Variants in RNF150 observed in about 807,000 individuals in gnomAD.
The protein encoded by RNF150 is ring finger protein 150.
RNF150 carries 24 observed loss-of-function variants against 39.3 expected under a neutral mutation model. The ratio of observed to expected loss-of-function variants is 0.61; its 90% CI spans 0.44 to 0.86. The LOEUF (loss-of-function observed/expected upper bound fraction) is 0.86, where lower values mean the gene tolerates loss of function less well. Ranked by LOEUF, RNF150 falls within the 40% of genes least tolerant of loss-of-function variation. RNF150 has a pLI of 0.00. For missense variants in RNF150, 502 were observed against 587.8 expected (o/e 0.85, Z 1.51); for synonymous variants, 255 against 227.3 (o/e 1.12, Z -1.10).
intron 1 of RNF150, among the ~76,000 whole-genome samples, chr4:140,979,251 C>T (rs1346448935): frequency 6.6e-6 from 1 of 152,104 alleles, no homozygotes; most frequent in African/African-American, 2.4e-5. Context: ...ATGTAAGTCT[C>T]ATTAAGGAGC....
intron 2 of RNF150, among the ~76,000 whole-genome samples, chr4:140,962,094 C>CGCG (rs1560988655): frequency 1.3e-5 from 2 of 150,934 alleles, no homozygotes; most frequent in African/African-American, 4.9e-5. Context: ...CTCTCTCTCT[C>CGCG]TACACACACG....
At chr4:141,162,504 G>T (rs1421050531) in intron 1 of RNF150, among the ~76,000 whole-genome samples, 1 of 152,062 alleles carries the variant, frequency 6.6e-6, no homozygotes, top group African/African-American at 2.4e-5. Context: ...CATTTGTGGG[G>T]GACCTCTGGC....
At chr4:141,052,557 G>A (rs1030372917) in intron 1 of RNF150, among the ~76,000 whole-genome samples, 3 of 152,050 alleles carry the variant, frequency 2.0e-5, no homozygotes, top group African/African-American at 7.2e-5. Context: ...TGTATTTTTA[G>A]TAGAGATGGG....
At chr4:141,108,273 T>C (rs1739275848) in intron 1 of RNF150, among the ~76,000 whole-genome samples, 1 of 152,350 alleles carries the variant, frequency 6.6e-6, no homozygotes, top group Admixed American at 6.5e-5. Context: ...AATTCTTACA[T>C]AATGCAGTTA....
intron 5 of RNF150, among the ~76,000 whole-genome samples, chr4:140,920,855 C>T (rs1731092225): frequency 6.6e-6 from 1 of 150,546 alleles, no homozygotes; most frequent in Admixed American, 6.6e-5. Flanking sequence ...TACTATGCAG[C>T]CGTAAAAAAT....
chr4:141,117,397 T>C (rs1375320134), intron 1 of RNF150, among the ~76,000 whole-genome samples: 1 of 152,186 alleles, frequency 6.6e-6, no homozygotes, highest in Admixed American at 6.5e-5. Flanking sequence ...GACATGTTTA[T>C]ATATGTGGTA....
chr4:141,079,754 C>T (rs1738078818), intron 1 of RNF150, among the ~76,000 whole-genome samples: 1 of 152,196 alleles, frequency 6.6e-6, no homozygotes, highest in African/African-American at 2.4e-5. Flanking sequence ...CACCTCCTAG[C>T]AGAACTGTTA....
chr4:140,924,488 C>A (rs756403906), intron 5 of RNF150, among the ~76,000 whole-genome samples: 2 of 152,182 alleles, frequency 1.3e-5, no homozygotes, highest in African/African-American at 2.4e-5. Flanking sequence ...TCTAAAAATA[C>A]CCTGAACAAT....
intron 6 of RNF150, among the ~76,000 whole-genome samples, chr4:140,898,882 C>A (rs1403126158): frequency 6.6e-6 from 1 of 152,130 alleles, no homozygotes; most frequent in African/African-American, 2.4e-5. Flanking sequence ...CCAATACTTT[C>A]TTGTGCTGAC....
chr4:141,039,449 G>A (rs1271593753), intron 1 of RNF150, among the ~76,000 whole-genome samples: 1 of 151,898 alleles, frequency 6.6e-6, no homozygotes, highest in Non-Finnish European at 1.5e-5. Context: ...GGGAACAAGA[G>A]AGTGACAGCA....
intron 1 of RNF150, among the ~76,000 whole-genome samples, chr4:141,199,405 A>C (rs1728254179): frequency 1.3e-5 from 2 of 152,226 alleles, no homozygotes; most frequent in South Asian, 4.1e-4. Context: ...CTTTATATGA[A>C]TGTTTATACA....
chr4:141,186,170 T>G (rs756464472), intron 1 of RNF150, among the ~76,000 whole-genome samples: 10 of 152,200 alleles, frequency 6.6e-5, no homozygotes, highest in Non-Finnish European at 1.0e-4. Flanking sequence ...CTGGGCTTTT[T>G]TTGGTTGGTA....
chr4:140,899,974 CTGTGTGTGTGTGTGTG>C (rs71852763), intron 6 of RNF150, among the ~76,000 whole-genome samples: 1 of 69,166 alleles, frequency 1.4e-5, no homozygotes, highest in African/African-American at 4.3e-5. Flanking sequence ...CTCTCTCTCT[CTGTGTGTGTGTGTGTG>C]TGTGTGTGTG....
chr4:140,926,147 C>T lies in RNF150; in HGVS notation c.891-74G>A, dbSNP rs575657992. The T allele has an allele frequency of 5.7e-5, 60 of 1,052,774 alleles. No individual in the cohort carries two copies. In the East Asian group the frequency reaches 1.1e-3, roughly 19 times the overall value. The allele number at this position is 1,052,774 out of a possible 1,614,324, so 65.2% of individuals were successfully genotyped here. ...CCTGGTCCACCATGGCCCAGGGACT[C>T]GTCCAAGGTCACAAAATTACTCAGT... On this transcript the variant is annotated intron_variant, in intron 4 of 6. Transcript: ENST00000515673.
chr4:141,210,484 A>G (rs1458500612), intron 1 of RNF150, among the ~76,000 whole-genome samples: 1 of 112,720 alleles, frequency 8.9e-6, no homozygotes, highest in Non-Finnish European at 1.8e-5. Context: ...TTGCAGTTTC[A>G]GCTTTTTTTT....
chr4:140,904,865 T>C (rs140238159), intron 6 of RNF150, among the ~76,000 whole-genome samples: 1 of 152,330 alleles, frequency 6.6e-6, no homozygotes, highest in African/African-American at 2.4e-5. Context: ...GCTTCATCAA[T>C]TGCTCCCTCA....
At chr4:141,052,135 T>G (rs1321090743) in intron 1 of RNF150, among the ~76,000 whole-genome samples, 3 of 151,962 alleles carry the variant, frequency 2.0e-5, no homozygotes, top group Non-Finnish European at 4.4e-5. Flanking sequence ...CCACCCCTCA[T>G]AATCCAATCA....
Position 140,926,017 on chromosome 4 carries a change from G to A in RNF150, c.947C>T (p.Pro316Leu). ...DPWLLDHRTCPMCKMNILKAL... is the reference protein window; with the variant it reads ...DPWLLDHRTCLMCKMNILKAL... ...TTTAAGAATGTTCATCTTGCACATG[G>A]GACAGGTACGATGGTCTAGAAGCCA... The change falls in exon 5 of 7, where the codon CCC becomes CTC. Residue 316 changes from proline to leucine, a missense_variant. Physicochemically the swap from Pro to Leu is moderately conservative, Grantham distance 98. Transcript: ENST00000515673. 6.2e-7 allele frequency: 1 copy of A among 1,613,986 alleles called. No homozygotes were observed. Among genetic ancestry groups the A allele is most frequent in the Non-Finnish European group, 8.5e-7 (1 of 1,179,872 alleles).
intron 1 of RNF150, among the ~76,000 whole-genome samples, chr4:141,176,481 A>T (rs1423376613): frequency 1.3e-5 from 2 of 152,208 alleles, no homozygotes; most frequent in Non-Finnish European, 2.9e-5. Context: ...TTGCTTTGTT[A>T]CTTTTTTTAA....
Sources: allele counts gnomAD v4.1 joint callset (sites outside exome capture counted in the v4.1 genomes callset), GRCh38; gene constraint gnomAD v4.1.1; transcripts MANE v1.5; gene names NCBI Gene and HGNC (gene_info 2026-07-23, HGNC 2026-07-21).